SH3RF1: variants seen among roughly 807,000 people sequenced by gnomAD.
SH3RF1 encodes the protein SH3 domain containing ring finger 1, also known as E3 ubiquitin-protein ligase SH3RF1.
Under a neutral mutation model 74.0 loss-of-function variants are expected in SH3RF1, and 32 were observed. That is an observed-to-expected ratio of 0.43 (90% CI 0.33 to 0.58). The LOEUF is 0.58. Among genes scored for constraint, SH3RF1 ranks in the 20% least tolerant of loss-of-function variants. The pLI is 0.05. For synonymous variants in SH3RF1, 396 were observed against 439.6 expected, an observed-to-expected ratio of 0.90 and a Z score of 1.24; for missense variants, 954 against 1,130.9, an observed-to-expected ratio of 0.84 and a Z score of 2.24.
intron 2 of SH3RF1, among the ~76,000 whole-genome samples, chr4:169,223,918 AGAAGGCCAGTGTAGCTG>A (rs1730611804): frequency 6.6e-6 from 1 of 152,244 alleles, no homozygotes; most frequent in Admixed American, 6.5e-5. Flanking sequence ...AAGAACAGCT[AGAAGGCCAGTGTAGCTG>A]GAAGAAAATA....
intron 2 of SH3RF1, among the ~76,000 whole-genome samples, chr4:169,237,240 G>A (rs945804509): frequency 2.6e-5 from 4 of 152,196 alleles, no homozygotes; most frequent in African/African-American, 7.2e-5. Flanking sequence ...CCAGACACAC[G>A]GTGAAGGTGA....
In SH3RF1 at chr4:169,107,007, G is replaced by C. The variant is rs146265575; in HGVS notation, c.2338C>G (p.Pro780Ala). 7.9e-5 allele frequency: 127 copies of C among 1,613,800 alleles called. No individual in the cohort carries two copies. Among genetic ancestry groups the C allele is most frequent in the Non-Finnish European group, 1.1e-4 (124 of 1,179,996 alleles). ...AGSCPVDGDGPVTTAVAGAAL... is the reference protein window; with the variant it reads ...AGSCPVDGDGAVTTAVAGAAL... ...GCTCCTGCCACTGCAGTCGTGACCG[G>C]TCCGTCCCCGTCCACAGGGCAGGAG... Residue 780 changes from proline (P) to alanine (A), a missense_variant, in exon 11 of 12, where the codon CCG becomes GCG. Coordinates refer to ENST00000284637, the MANE Select transcript of SH3RF1 (RefSeq NM_020870.4).
chr4:169,212,312 C>T (rs1051709457), intron 2 of SH3RF1, among the ~76,000 whole-genome samples: 13 of 152,124 alleles, frequency 8.5e-5, no homozygotes, highest in Admixed American at 2.0e-4. Context: ...GATCTGCCTG[C>T]CTCAGCCTCC....
chr4:169,143,503 G>A (rs1733819995), intron 4 of SH3RF1, among the ~76,000 whole-genome samples: 1 of 152,174 alleles, frequency 6.6e-6, no homozygotes, highest in Admixed American at 6.6e-5. Flanking sequence ...GCAACACAGG[G>A]TGGCTGTGCT....
intron 2 of SH3RF1, among the ~76,000 whole-genome samples, chr4:169,172,633 T>C (rs541742038): frequency 3.3e-5 from 5 of 152,312 alleles, no homozygotes; most frequent in African/African-American, 1.2e-4. Flanking sequence ...ACTATTATGG[T>C]TCACATTAGG....
At chr4:169,138,768 T>C (rs1414401203) in intron 4 of SH3RF1, among the ~76,000 whole-genome samples, 1 of 152,180 alleles carries the variant, frequency 6.6e-6, no homozygotes, top group Non-Finnish European at 1.5e-5. Context: ...GTGTCAGTTA[T>C]ATATTCAACA....
At chr4:169,115,377 T>A (rs1335816056) in intron 10 of SH3RF1, among the ~76,000 whole-genome samples, 1 of 152,166 alleles carries the variant, frequency 6.6e-6, no homozygotes, top group African/African-American at 2.4e-5. Context: ...ATCACTTGCA[T>A]TACTGCCTGA....
chr4:169,131,093 G>C (rs892624841), intron 5 of SH3RF1, among the ~76,000 whole-genome samples: 2 of 152,196 alleles, frequency 1.3e-5, no homozygotes, highest in African/African-American at 4.8e-5. Context: ...AAGAAAGATT[G>C]TCAGGACAAA....
chr4:169,242,218 T>C (rs1237119271), intron 2 of SH3RF1, among the ~76,000 whole-genome samples: 2 of 152,142 alleles, frequency 1.3e-5, no homozygotes, highest in African/African-American at 2.4e-5. Flanking sequence ...CCCATTCCAA[T>C]CATTGATCTG....
At chr4:169,162,110 T>C (rs1734158787) in intron 2 of SH3RF1, among the ~76,000 whole-genome samples, 1 of 152,008 alleles carries the variant, frequency 6.6e-6, no homozygotes, top group Non-Finnish European at 1.5e-5. Context: ...TGAGCCAAGA[T>C]GGCGCCACTG....
At chr4:169,237,902 C>A (rs1283201213) in intron 2 of SH3RF1, among the ~76,000 whole-genome samples, 2 of 152,086 alleles carry the variant, frequency 1.3e-5, no homozygotes, top group Admixed American at 6.6e-5. Context: ...GAAATCTGAT[C>A]ACCCTTGATA....
chr4:169,147,029 C>G (rs751535659), intron 4 of SH3RF1, among the ~76,000 whole-genome samples: 1 of 152,096 alleles, frequency 6.6e-6, no homozygotes, highest in Non-Finnish European at 1.5e-5. Flanking sequence ...GGTACAAATA[C>G]CTATTACTTT....
At chr4:169,189,738 C>T (rs773744936) in intron 2 of SH3RF1, among the ~76,000 whole-genome samples, 3 of 152,082 alleles carry the variant, frequency 2.0e-5, no homozygotes, top group Non-Finnish European at 2.9e-5. Flanking sequence ...GCAAGTTGCT[C>T]GAATCCCCAA....
intron 4 of SH3RF1, among the ~76,000 whole-genome samples, chr4:169,152,837 T>C (rs1325935519): frequency 2.6e-5 from 4 of 152,172 alleles, no homozygotes; most frequent in African/African-American, 9.7e-5. Context: ...CACAGTCACA[T>C]GATGTTGAGG....
Position 169,117,643 on chromosome 4 carries a change from T to G in SH3RF1, c.1657A>C (p.Ser553Arg). 2 of 1,614,194 alleles carry G rather than the reference T, an allele frequency of 1.2e-6. No homozygotes were observed. The highest frequency in any genetic ancestry group is 1.7e-6 in the Non-Finnish European group (2 of 1,180,038). Residue 553 changes from serine (S) to arginine (R), a missense_variant, in exon 9 of 12, where the codon AGT becomes CGT. Transcript: ENST00000284637. ...LQGNGVAGSPSVVPAAVVSAA... is the reference protein window; with the variant it reads ...LQGNGVAGSPRVVPAAVVSAA... ...GATACCACAGCTGCGGGGACAACACTGGGACTCCCAGCCACGCCATTTCCC... is the reference window on the plus strand; with the variant it reads ...GATACCACAGCTGCGGGGACAACACGGGGACTCCCAGCCACGCCATTTCCC...
At chr4:169,191,557 G>A (rs941529715) in intron 2 of SH3RF1, among the ~76,000 whole-genome samples, 91 of 151,978 alleles carry the variant, frequency 6.0e-4, no homozygotes, top group African/African-American at 2.0e-3. Flanking sequence ...TATAATTCAT[G>A]TGGAACCAAA....
intron 2 of SH3RF1, among the ~76,000 whole-genome samples, chr4:169,162,665 G>A (rs571997321): frequency 1.3e-5 from 2 of 152,256 alleles, no homozygotes; most frequent in South Asian, 2.1e-4. Flanking sequence ...AAGACAAAAC[G>A]TTGTTTCTTC....
chr4:169,139,636 T>C (rs568793466), intron 4 of SH3RF1, among the ~76,000 whole-genome samples: 1 of 152,274 alleles, frequency 6.6e-6, no homozygotes, highest in Non-Finnish European at 1.5e-5. Context: ...TAAGCTCCCA[T>C]CTGGATATTG....
chr4:169,194,864 T>C (rs952309115), intron 2 of SH3RF1, among the ~76,000 whole-genome samples: 3 of 152,208 alleles, frequency 2.0e-5, no homozygotes, highest in Admixed American at 1.3e-4. Flanking sequence ...GTATAGTGGT[T>C]TTGTCTCTCA....
Sources: gnomAD v4.1 joint callset for allele counts (sites outside exome capture counted in the v4.1 genomes callset) on GRCh38, gnomAD v4.1.1 for gene constraint, MANE v1.5 for transcripts, NCBI Gene and HGNC (gene_info 2026-07-23, HGNC 2026-07-21) for gene names.